The following LRRC37A2 variants were observed in gnomAD, a reference collection of about 807,000 sequenced individuals.
The protein encoded by LRRC37A2 is leucine-rich repeat-containing protein 37A2.
Under a neutral mutation model 68.8 loss-of-function variants are expected in LRRC37A2, and 9 were observed. The observed-to-expected ratio is 0.13, with a 90% CI of 0.08 to 0.23. The LOEUF (loss-of-function observed/expected upper bound fraction) is 0.23. Ranked by LOEUF, LRRC37A2 falls within the 10% of genes least tolerant of loss-of-function variation. The pLI, the probability that LRRC37A2 is intolerant of heterozygous loss-of-function variation, is 1.00. For synonymous variants in LRRC37A2, 63 were observed against 367.6 expected, an observed-to-expected ratio of 0.17 and a Z score of 9.48; for missense variants, 168 against 950.4, an observed-to-expected ratio of 0.18 and a Z score of 10.82.
At chr17:46,958,849 G>T in the LRRC37A2 span, among the ~76,000 whole-genome samples, 1 of 152,332 alleles carries the variant, frequency 6.6e-6, no homozygotes, top group African/African-American at 2.4e-5. Context: ...AGCCTGCTCT[G>T]CTCCCCTCCC....
At chr17:46,842,151 G>A in the LRRC37A2 span, among the ~76,000 whole-genome samples, 1 of 152,238 alleles carries the variant, frequency 6.6e-6, no homozygotes, top group African/African-American at 2.4e-5. Flanking sequence ...AAAGGCTTGG[G>A]AAGTTGCTGG....
the LRRC37A2 span, among the ~76,000 whole-genome samples, chr17:46,733,491 T>C: frequency 6.6e-6 from 1 of 152,224 alleles, no homozygotes; most frequent in African/African-American, 2.4e-5. Context: ...TTTGACACTT[T>C]TGTGCATCAA....
chr17:46,857,878 G>T, the LRRC37A2 span, among the ~76,000 whole-genome samples: 1 of 151,956 alleles, frequency 6.6e-6, no homozygotes, highest in Non-Finnish European at 1.5e-5. Context: ...ATTTCATTGG[G>T]TTATTTGTCT....
chr17:46,657,978 T>C, the LRRC37A2 span, among the ~76,000 whole-genome samples: 3 of 67,268 alleles, frequency 4.5e-5, no homozygotes, highest in Non-Finnish European at 5.9e-5. Context: ...TTATTTTTTT[T>C]TTTTTTGGCG....
At chr17:46,610,099 TTCTCTCTCTCTC>T in the LRRC37A2 span, among the ~76,000 whole-genome samples, 11 of 89,492 alleles carry the variant, frequency 1.2e-4, no homozygotes, top group Admixed American at 2.5e-4. Context: ...TTTTCTCTCT[TTCTCTCTCTCTC>T]TCTCTCTCTC....
the LRRC37A2 span, among the ~76,000 whole-genome samples, chr17:46,990,568 C>G: frequency 6.6e-6 from 1 of 152,204 alleles, no homozygotes; most frequent in African/African-American, 2.4e-5. Context: ...GGGCATTCAC[C>G]TGTCAAGGCC....
the LRRC37A2 span, chr17:46,963,746 C>T: frequency 6.6e-6 from 1 of 152,330 alleles, no homozygotes; most frequent in East Asian, 1.9e-4. Context: ...TCCCCACCCA[C>T]AGTCACCACT....
chr17:46,970,106 A>G, the LRRC37A2 span, among the ~76,000 whole-genome samples: 8 of 152,312 alleles, frequency 5.3e-5, no homozygotes, highest in African/African-American at 1.4e-4. Context: ...AAGTAATGAG[A>G]TAATATCTGT....
chr17:46,875,414 A>G, the LRRC37A2 span: 1 of 1,521,426 alleles, frequency 6.6e-7, no homozygotes, highest in Non-Finnish European at 8.8e-7. Context: ...CAGGGTACAC[A>G]GCTGGGGAGC....
the LRRC37A2 span, among the ~76,000 whole-genome samples, chr17:46,927,282 A>G: frequency 2.0e-5 from 3 of 152,092 alleles, no homozygotes; most frequent in Non-Finnish European, 4.4e-5. Flanking sequence ...CTGCACGTCA[A>G]TCCTTTGTTA....
At chr17:46,861,376 C>T in the LRRC37A2 span, among the ~76,000 whole-genome samples, 5 of 152,186 alleles carry the variant, frequency 3.3e-5, no homozygotes, top group Non-Finnish European at 5.9e-5. Context: ...TCTTGGTGGG[C>T]AGCGTCCTCT....
At chr17:46,792,630 C>T in the LRRC37A2 span, among the ~76,000 whole-genome samples, 2 of 152,106 alleles carry the variant, frequency 1.3e-5, no homozygotes, top group African/African-American at 4.8e-5. Flanking sequence ...CATGCCACCA[C>T]ACCTGGCTAA....
the LRRC37A2 span, among the ~76,000 whole-genome samples, chr17:46,787,299 G>A: frequency 6.6e-6 from 1 of 151,976 alleles, no homozygotes; most frequent in African/African-American, 2.4e-5. Context: ...TATTGGAGTA[G>A]GGCGGGGGCG....
intron 8 of LRRC37A2, among the ~76,000 whole-genome samples, chr17:46,542,142 A>G (rs2145593172): frequency 7.1e-6 from 1 of 141,100 alleles, no homozygotes; most frequent in Middle Eastern, 3.5e-3. Flanking sequence ...AAAGTAAGAA[A>G]TAAAAATGTT....
the LRRC37A2 span, among the ~76,000 whole-genome samples, chr17:46,854,274 G>T: frequency 5.3e-5 from 8 of 152,058 alleles, no homozygotes; most frequent in African/African-American, 1.9e-4. Flanking sequence ...GAGGAATCTG[G>T]TATCAGTCAT....
chr17:46,978,769 A>G, the LRRC37A2 span: 1 of 1,612,528 alleles, frequency 6.2e-7, no homozygotes, highest in Non-Finnish European at 8.5e-7. Context: ...GCCGAAGACC[A>G]CGGTAAGCGA....
At chr17:46,728,956 G>A in the LRRC37A2 span, 2 of 1,403,678 alleles carry the variant, frequency 1.4e-6, no homozygotes, top group East Asian at 4.6e-5. Flanking sequence ...CTACTAATAA[G>A]GAATATTTTA....
the LRRC37A2 span, among the ~76,000 whole-genome samples, chr17:47,027,115 G>A: frequency 2.0e-5 from 3 of 152,106 alleles, no homozygotes; most frequent in Non-Finnish European, 2.9e-5. Context: ...GTTTCACCGT[G>A]TTAGCCAGGA....
At chr17:46,818,685 T>A in the LRRC37A2 span, 1 of 1,292,246 alleles carries the variant, frequency 7.7e-7, no homozygotes, top group Non-Finnish European at 1.1e-6. Flanking sequence ...CCACTTGAGA[T>A]TGGAAATGAC....
Sources: allele counts gnomAD v4.1 joint callset (sites outside exome capture counted in the v4.1 genomes callset), GRCh38; gene constraint gnomAD v4.1.1; transcripts MANE v1.5; gene names NCBI Gene and HGNC (gene_info 2026-07-23, HGNC 2026-07-21).